Variants in GALNT13 observed in about 807,000 individuals in gnomAD.
The protein encoded by GALNT13 is polypeptide N-acetylgalactosaminyltransferase 13, also known as UDP-GalNAc:polypeptide N-acetylgalactosaminyltransferase 13.
Under a neutral mutation model 64.2 loss-of-function variants are expected in GALNT13, and 28 were observed. That is an observed-to-expected ratio of 0.44 (90% CI 0.32 to 0.60). The LOEUF (loss-of-function observed/expected upper bound fraction) is 0.60. GALNT13 is among the 20% of genes least tolerant of loss of function. The probability of loss-of-function intolerance (pLI) is 0.05; values close to 1 mark genes in which losing one functional copy is unlikely to be tolerated. For synonymous variants in GALNT13, 214 were observed against 224.6 expected, an observed-to-expected ratio of 0.95 and a Z score of 0.42; for missense variants, 577 against 669.8, an observed-to-expected ratio of 0.86 and a Z score of 1.53.
At chr2:153,943,635 C>T (rs185449797) in intron 2 of GALNT13, among the ~76,000 whole-genome samples, 9 of 152,090 alleles carry the variant, frequency 5.9e-5, no homozygotes, top group Admixed American at 3.3e-4. Context: ...GCTGGGATTA[C>T]AGGCACGTGC....
At chr2:153,620,387 G>A in the GALNT13 span, among the ~76,000 whole-genome samples, 2 of 152,020 alleles carry the variant, frequency 1.3e-5, no homozygotes, top group African/African-American at 4.8e-5. Context: ...GCCTCCCAAA[G>A]TGCTGGGATT....
chr2:153,318,125 T>TTG, the GALNT13 span, among the ~76,000 whole-genome samples: 2 of 151,536 alleles, frequency 1.3e-5, no homozygotes, highest in South Asian at 4.2e-4. Flanking sequence ...TAGGAGAGTT[T>TTG]TTTTTTTTTT....
the GALNT13 span, among the ~76,000 whole-genome samples, chr2:153,636,415 T>C: frequency 1.3e-5 from 2 of 152,186 alleles, no homozygotes; most frequent in Non-Finnish European, 2.9e-5. Flanking sequence ...TATCCTCAGT[T>C]GATATTAATG....
chr2:153,830,868 C>A, the GALNT13 span, among the ~76,000 whole-genome samples: 2 of 152,052 alleles, frequency 1.3e-5, no homozygotes, highest in Non-Finnish European at 2.9e-5. Context: ...TTTACGTATT[C>A]TTTCCTCATG....
chr2:153,670,958 T>C, the GALNT13 span, among the ~76,000 whole-genome samples: 1 of 152,144 alleles, frequency 6.6e-6, no homozygotes, highest in Non-Finnish European at 1.5e-5. Flanking sequence ...TATCAGTGAT[T>C]GATTATCAAA....
At chr2:154,074,970 G>A (rs929316493) in intron 3 of GALNT13, among the ~76,000 whole-genome samples, 4 of 151,842 alleles carry the variant, frequency 2.6e-5, no homozygotes, top group East Asian at 1.9e-4. Context: ...AGCTGAAAAC[G>A]TTCCCCTTGA....
chr2:153,828,767 T>G, the GALNT13 span, among the ~76,000 whole-genome samples: 3 of 152,202 alleles, frequency 2.0e-5, no homozygotes, highest in African/African-American at 7.2e-5. Context: ...ACAATGGAAT[T>G]TTCTATTCTA....
chr2:153,184,379 A>G, the GALNT13 span, among the ~76,000 whole-genome samples: 1 of 152,188 alleles, frequency 6.6e-6, no homozygotes. Context: ...GGGTGGGACA[A>G]TGGGATTTTG....
intron 11 of GALNT13, among the ~76,000 whole-genome samples, chr2:154,419,548 C>T (rs1700162628): frequency 6.6e-6 from 1 of 152,164 alleles, no homozygotes; most frequent in South Asian, 2.1e-4. Flanking sequence ...ACACCTTTTC[C>T]ATTTTCATAA....
At chr2:153,849,477 A>G in the GALNT13 span, among the ~76,000 whole-genome samples, 1 of 152,262 alleles carries the variant, frequency 6.6e-6, no homozygotes, top group Non-Finnish European at 1.5e-5. Flanking sequence ...CTACTTCTAA[A>G]AAATGTATGA....
At chr2:154,286,387 C>T (rs1047626249) in intron 8 of GALNT13, among the ~76,000 whole-genome samples, 5 of 151,984 alleles carry the variant, frequency 3.3e-5, no homozygotes, top group South Asian at 2.1e-4. Flanking sequence ...AAACATAAAG[C>T]GATATTGAAT....
chr2:153,217,281 G>T, the GALNT13 span, among the ~76,000 whole-genome samples: 1 of 151,848 alleles, frequency 6.6e-6, no homozygotes, highest in African/African-American at 2.4e-5. Context: ...CTACTTCTGG[G>T]TTTTGAATTT....
At chr2:153,627,567 G>T in the GALNT13 span, among the ~76,000 whole-genome samples, 7 of 152,064 alleles carry the variant, frequency 4.6e-5, no homozygotes, top group African/African-American at 1.7e-4. Flanking sequence ...CAACATAAAT[G>T]ATCATGAAGT....
At chr2:153,801,431 A>T in the GALNT13 span, among the ~76,000 whole-genome samples, 1 of 151,780 alleles carries the variant, frequency 6.6e-6, no homozygotes, top group Non-Finnish European at 1.5e-5. Flanking sequence ...CATTGTAGAG[A>T]TATTAATTGG....
At chr2:154,043,598 C>G (rs528815571) in intron 3 of GALNT13, among the ~76,000 whole-genome samples, 3 of 151,294 alleles carry the variant, frequency 2.0e-5, no homozygotes, top group Non-Finnish European at 2.9e-5. Flanking sequence ...GAATTAAAAA[C>G]AAGTTTACAG....
At chr2:153,858,351 A>G in the GALNT13 span, among the ~76,000 whole-genome samples, 1 of 152,212 alleles carries the variant, frequency 6.6e-6, no homozygotes, top group African/African-American at 2.4e-5. Flanking sequence ...ACTCAGACTA[A>G]GATGTGGAGG....
At chr2:154,345,131 G>A (rs1388460055) in intron 9 of GALNT13, among the ~76,000 whole-genome samples, 1 of 151,920 alleles carries the variant, frequency 6.6e-6, no homozygotes, top group Non-Finnish European at 1.5e-5. Flanking sequence ...ATAAGGCTTT[G>A]AAAAAGACCT....
At chr2:153,267,393 G>T in the GALNT13 span, among the ~76,000 whole-genome samples, 1 of 152,214 alleles carries the variant, frequency 6.6e-6, no homozygotes, top group South Asian at 2.1e-4. Flanking sequence ...GGACATACAG[G>T]TGTTTCCATA....
chr2:153,248,838 G>GA, the GALNT13 span, among the ~76,000 whole-genome samples: 38,307 of 137,882 alleles, frequency 0.28, 5,740 homozygotes, highest in Non-Finnish European at 0.32. Flanking sequence ...AGAAAAAAAA[G>GA]AAAAAAAAAA....
Sources: gnomAD v4.1 joint callset for allele counts (sites outside exome capture counted in the v4.1 genomes callset) on GRCh38, gnomAD v4.1.1 for gene constraint, MANE v1.5 for transcripts, NCBI Gene and HGNC (gene_info 2026-07-23, HGNC 2026-07-21) for gene names.